Variants in PCDHGA11 observed in about 807,000 individuals in gnomAD.
PCDHGA11 encodes protocadherin gamma-A11.
PCDHGA11 carries 39 observed loss-of-function variants against 60.4 expected under a neutral mutation model. That is an observed-to-expected ratio of 0.65 (90% CI 0.50 to 0.84). The LOEUF (loss-of-function observed/expected upper bound fraction) is 0.84, where lower values mean the gene tolerates loss of function less well. PCDHGA11 is among the 40% of genes least tolerant of loss of function. PCDHGA11 has a pLI of 0.00. For missense variants in PCDHGA11, 1,165 were observed against 1,197.7 expected, an observed-to-expected ratio of 0.97 and a Z score of 0.40; for synonymous variants, 533 against 510.3, an observed-to-expected ratio of 1.04 and a Z score of -0.60.
chr5:141,423,816 T>C lies in PCDHGA11; in HGVS notation c.2433+156T>C, dbSNP rs1205974775. ...TTAGAGCAATACATGTGAGTTTTACTTTGCCTTTCATGAGATTACGATAAT... is the reference window on the plus strand; with the variant it reads ...TTAGAGCAATACATGTGAGTTTTACCTTGCCTTTCATGAGATTACGATAAT... On this transcript the variant is annotated intron_variant, in intron 1 of 3. Transcript: ENST00000398587. 3 of 1,273,904 alleles carry C rather than the reference T, an allele frequency of 2.4e-6. No individual in the cohort carries two copies. The African/African-American group carries it at 4.7e-5, about 20-fold the overall frequency. 78.9% of individuals were successfully genotyped at this position (1,273,904 alleles called of 1,614,324 possible).
At chr5:141,440,763 T>A (rs2098198978) in intron 1 of PCDHGA11, 1 of 152,138 alleles carries the variant, frequency 6.6e-6, no homozygotes, top group Admixed American at 6.6e-5. Flanking sequence ...AGAGCTCCCA[T>A]CCCTTAGTGC....
chr5:141,465,611 C>T (rs1393170181), intron 1 of PCDHGA11, among the ~76,000 whole-genome samples: 1 of 152,178 alleles, frequency 6.6e-6, no homozygotes, highest in African/African-American at 2.4e-5. Context: ...CTCTTTGGCC[C>T]TCCAGGAAGT....
chr5:141,454,691 C>T (rs745856768), intron 1 of PCDHGA11, among the ~76,000 whole-genome samples: 5 of 152,038 alleles, frequency 3.3e-5, no homozygotes, highest in Non-Finnish European at 5.9e-5. Flanking sequence ...CAGGCATGAG[C>T]CACCATGCTC....
At chr5:141,437,650 A>G in intron 1 of PCDHGA11, among the ~76,000 whole-genome samples, 1 of 152,314 alleles carries the variant, frequency 6.6e-6, no homozygotes, top group Non-Finnish European at 1.5e-5. Context: ...AAAAGCAAAC[A>G]CATAGTTTCG....
In PCDHGA11 at chr5:141,431,710, G is replaced by A. The variant is rs1249423969; in HGVS notation, c.2433+8050G>A. On this transcript the variant is annotated intron_variant, in intron 1 of 3. Coordinates refer to ENST00000398587, the MANE Select transcript of PCDHGA11 (RefSeq NM_018914.3). The surrounding 1 kb of genome is among the most constrained non-coding windows in gnomAD (Gnocchi z 4.8). ...ACGAGGAGTCAGGATTCTACCAGAT[G>A]GAAGTGCAAGCAATGGATAATGCAG... is the stretch of plus-strand genomic sequence containing the variant. 3.1e-6 allele frequency: 5 copies of A among 1,614,116 alleles called. No individual in the cohort carries two copies. Among genetic ancestry groups the A allele is most frequent in the South Asian group, 1.1e-5 (1 of 91,088 alleles).
At chr5:141,478,051 G>A (rs751371411) in intron 1 of PCDHGA11, 2 of 1,614,088 alleles carry the variant, frequency 1.2e-6, no homozygotes, top group East Asian at 2.2e-5. Context: ...AGACTCTCAC[G>A]GTCTTGATCA....
In PCDHGA11 at chr5:141,511,188, C is replaced by A; in HGVS notation, c.*15C>A. 1 of 1,613,804 alleles carries A rather than the reference C, an allele frequency of 6.2e-7. No homozygotes were observed. ...AGAAGAAGTAACATGGAGGCCAGGC[C>A]AAGAGCCACAGGGCGGCCTCTCCCC... On this transcript the variant is annotated 3_prime_UTR_variant, in exon 4 of 4. Transcript: ENST00000398587.
rs747179611 is a variant in PCDHGA11 at position 141,476,473 on chromosome 5, C to T, written c.2434-18334C>T. ...TAGTGGAGAACCCGCTGGAGCTGTT[C>T]AGCGTGGAAGTGGTGATCCAGGACA... On this transcript the variant is annotated intron_variant, in intron 1 of 3. Coordinates refer to ENST00000398587, the MANE Select transcript of PCDHGA11 (RefSeq NM_018914.3). The surrounding 1 kb of genome is among the most constrained non-coding windows in gnomAD (Gnocchi z 7.6). 3.1e-6 allele frequency: 5 copies of T among 1,613,888 alleles called. No homozygotes were observed. The highest frequency in any genetic ancestry group is 3.3e-5 in the Admixed American group (2 of 59,984).
rs2233600 is a variant in PCDHGA11, at chr5:141,489,134, A to C, written c.2434-5673A>C. 9,827 of 731,232 alleles carry C rather than the reference A, an allele frequency of 0.013. 1,099 individuals are homozygous for C. The East Asian group carries it at 0.25, about 19-fold the overall frequency. The allele number at this position is 731,232 out of a possible 1,614,324, so 45.3% of individuals were successfully genotyped here. A position where few individuals can be genotyped will look rare whatever the true frequency, so the allele number is the denominator to read the frequency against. Reference sequence around the variant, plus strand: ...GGCAAACCTCCGAGCAGTTTTTAAGAGGCTGGAAGGAGACATAAGAGACTT... The same window carrying C: ...GGCAAACCTCCGAGCAGTTTTTAAGCGGCTGGAAGGAGACATAAGAGACTT... On this transcript the variant is annotated intron_variant, in intron 1 of 3. Transcript: ENST00000398587. The surrounding 1 kb of genome is among the most constrained non-coding windows in gnomAD (Gnocchi z 4.5).
At position 141,477,213 on chromosome 5, in the gene PCDHGA11, C is replaced by G; in HGVS notation, c.2434-17594C>G. ...TACAGCCCAGTACCCGAGGATGCCC[C>G]TCTGGGGACTGTCATCGCTTTGCTC... is the stretch of plus-strand genomic sequence containing the variant. On this transcript the variant is annotated intron_variant, in intron 1 of 3. Coordinates refer to ENST00000398587, the MANE Select transcript of PCDHGA11 (RefSeq NM_018914.3). The surrounding 1 kb of genome is among the most constrained non-coding windows in gnomAD (Gnocchi z 4.9). 6.2e-7 allele frequency: 1 copy of G among 1,614,184 alleles called. No individual in the cohort carries two copies.
chr5:141,490,103 C>T lies in PCDHGA11; in HGVS notation c.2434-4704C>T, dbSNP rs1012215533. ...TCTTTTGGAGACCACACATCTGAGG[C>T]AGTGCGGAACCTCTTTGGCCTAGAC... On this transcript the variant is annotated intron_variant, in intron 1 of 3. Coordinates refer to ENST00000398587, the MANE Select transcript of PCDHGA11 (RefSeq NM_018914.3). The surrounding 1 kb of genome is among the most constrained non-coding windows in gnomAD (Gnocchi z 5.4). The T allele has an allele frequency of 6.2e-7, 1 of 1,614,122 alleles. No homozygotes were observed. The highest frequency in any genetic ancestry group is 1.3e-5 in the African/African-American group (1 of 74,954).
chr5:141,486,985 T>C lies in PCDHGA11; in HGVS notation c.2434-7822T>C. On this transcript the variant is annotated intron_variant, in intron 1 of 3. Coordinates refer to ENST00000398587, the MANE Select transcript of PCDHGA11 (RefSeq NM_018914.3). The surrounding 1 kb of genome is among the most constrained non-coding windows in gnomAD (Gnocchi z 5.0). ...TGGACTTGGATTCAGGTTACAATGC[T>C]TGGGTTTCCTATCAGCTCCTGGAGG... 1 of 1,614,208 alleles carries C rather than the reference T, an allele frequency of 6.2e-7. No individual in the cohort carries two copies. The highest frequency in any genetic ancestry group is 8.5e-7 in the Non-Finnish European group (1 of 1,180,040).
intron 1 of PCDHGA11, chr5:141,478,233 T>G: frequency 6.2e-7 from 1 of 1,614,126 alleles, no homozygotes. Context: ...GTGGGGTTTG[T>G]GGTCACAGTG....
At position 141,433,275 on chromosome 5, in the gene PCDHGA11, C is replaced by G. The variant is rs1173546273; in HGVS notation, c.2433+9615C>G. 1.5e-5 allele frequency: 19 copies of G among 1,229,998 alleles called. No homozygotes were observed. In the East Asian group the frequency reaches 3.6e-4, roughly 23 times the overall value. The allele number at this position is 1,229,998 out of a possible 1,614,324, so 76.2% of individuals were successfully genotyped here. A position where few individuals can be genotyped will look rare whatever the true frequency, so the allele number is the denominator to read the frequency against. On this transcript the variant is annotated intron_variant, in intron 1 of 3. Transcript: ENST00000398587. ...GCGGTACGATCATAGCTCACTGCAG[C>G]CTCAAACTCCTAGGCTCAAGCAATT...
At chr5:141,478,444 T>C (rs1190996745) in intron 1 of PCDHGA11, 1 of 1,613,478 alleles carries the variant, frequency 6.2e-7, no homozygotes, top group Non-Finnish European at 8.5e-7. Flanking sequence ...TGAAGAAACC[T>C]GGTGCAGCCA....
chr5:141,477,775 G>T lies in PCDHGA11; in HGVS notation c.2434-17032G>T. 2 of 1,614,046 alleles carry T rather than the reference G, an allele frequency of 1.2e-6. No individual in the cohort carries two copies. The highest frequency in any genetic ancestry group is 2.7e-5 in the African/African-American group (2 of 75,052). On this transcript the variant is annotated intron_variant, in intron 1 of 3. Transcript: ENST00000398587. The surrounding 1 kb of genome is among the most constrained non-coding windows in gnomAD (Gnocchi z 4.9). ...CGGTCCTAGCCACCAACATCAGCGT[G>T]AACATATTTGTCACTGATCGCAATG...
chr5:141,432,172 CGTCTCTGTGACCGCCCACGACCCCGA>C lies in PCDHGA11; in HGVS notation c.2433+8513_2433+8538del. 6.2e-7 allele frequency: 1 copy of C among 1,614,152 alleles called. No individual in the cohort carries two copies. Among genetic ancestry groups the C allele is most frequent in the Non-Finnish European group, 8.5e-7 (1 of 1,180,038 alleles). ...AGAACAATCCCAGAGGAGTTTCCCT[CGTCTCTGTGACCGCCCACGACCCCGA>C]CTGTGAAGAGAACGCCCAGATCACT... On this transcript the variant is annotated intron_variant, in intron 1 of 3. Transcript: ENST00000398587. The surrounding 1 kb of genome is among the most constrained non-coding windows in gnomAD (Gnocchi z 6.0).
Position 141,431,614 on chromosome 5 carries a change from C to G in PCDHGA11, c.2433+7954C>G. ...TGAGGTATTCCTTCCGGTATGTGGACGACAAGGCGGCCCAAGTTTTCAAAC... is the reference window on the plus strand; with the variant it reads ...TGAGGTATTCCTTCCGGTATGTGGAGGACAAGGCGGCCCAAGTTTTCAAAC... On this transcript the variant is annotated intron_variant, in intron 1 of 3. Coordinates refer to ENST00000398587, the MANE Select transcript of PCDHGA11 (RefSeq NM_018914.3). This position sits in a 1 kb window ranked among gnomAD's most constrained non-coding sequence, Gnocchi z 4.8. 6.2e-7 allele frequency: 1 copy of G among 1,614,206 alleles called. No homozygotes were observed. The highest frequency in any genetic ancestry group is 1.1e-5 in the South Asian group (1 of 91,092).
In PCDHGA11 at chr5:141,493,811, A is replaced by T. The variant is rs956872917; in HGVS notation, c.2434-996A>T. Reference sequence around the variant, plus strand: ...CTCCCTGGAGTAATCTGAGATACTCACACTCTCTGCTTCTGGGAGCAAGTA... The same window carrying T: ...CTCCCTGGAGTAATCTGAGATACTCTCACTCTCTGCTTCTGGGAGCAAGTA... On this transcript the variant is annotated intron_variant, in intron 1 of 3. Transcript: ENST00000398587. The surrounding 1 kb of genome is among the most constrained non-coding windows in gnomAD (Gnocchi z 4.3). Among the ~76,000 whole-genome samples the T allele has an allele frequency of 1.3e-5, 2 of 152,154 alleles. No homozygotes were observed. The highest frequency in any genetic ancestry group is 2.9e-5 in the Non-Finnish European group (2 of 68,036).
Sources: allele counts gnomAD v4.1 joint callset (sites outside exome capture counted in the v4.1 genomes callset), GRCh38; gene constraint gnomAD v4.1.1; non-coding constraint Gnocchi (gnomAD v3.1); transcripts MANE v1.5; gene names NCBI Gene and HGNC (gene_info 2026-07-23, HGNC 2026-07-21).